Variants in KCNB2 observed in about 807,000 individuals in gnomAD.
The protein encoded by KCNB2 is potassium voltage-gated channel subfamily B member 2, also known as delayed rectifier potassium channel protein.
Under a neutral mutation model 61.5 loss-of-function variants are expected in KCNB2, and 15 were observed. The observed-to-expected ratio is 0.24, with a 90% CI of 0.16 to 0.38. The LOEUF (loss-of-function observed/expected upper bound fraction) is 0.38, where lower values mean the gene tolerates loss of function less well. KCNB2 is among the 10% of genes least tolerant of loss of function. The pLI is 1.00. For missense variants in KCNB2, 828 were observed against 1,125.2 expected (o/e 0.74, Z 3.78); for synonymous variants, 457 against 446.0 (o/e 1.02, Z -0.31).
intron 2 of KCNB2, among the ~76,000 whole-genome samples, chr8:72,726,763 G>T (rs1297334229): frequency 6.6e-6 from 1 of 152,130 alleles, no homozygotes; most frequent in Non-Finnish European, 1.5e-5. Flanking sequence ...TCAATTAAGA[G>T]ATTTTTTTGT....
chr8:72,739,122 T>C (rs1420129361), intron 2 of KCNB2, among the ~76,000 whole-genome samples: 1 of 152,036 alleles, frequency 6.6e-6, no homozygotes, highest in East Asian at 1.9e-4. Context: ...GTTTCATAGA[T>C]ATCACCCCAT....
At chr8:72,802,582 A>G (rs941220167) in intron 2 of KCNB2, among the ~76,000 whole-genome samples, 22 of 152,154 alleles carry the variant, frequency 1.4e-4, no homozygotes, top group Non-Finnish European at 1.6e-4. Flanking sequence ...CTATGTAACC[A>G]TTCTTCCTTC....
intron 2 of KCNB2, among the ~76,000 whole-genome samples, chr8:72,650,585 C>T (rs977976710): frequency 6.6e-6 from 1 of 152,162 alleles, no homozygotes; most frequent in South Asian, 2.1e-4. Context: ...ACCGCCAGGT[C>T]TCTCTGATAC....
At chr8:72,630,818 G>T (rs549113372) in intron 2 of KCNB2, among the ~76,000 whole-genome samples, 53 of 152,104 alleles carry the variant, frequency 3.5e-4, no homozygotes, top group Non-Finnish European at 6.8e-4. Flanking sequence ...GGTAAAAGGG[G>T]AGAAAGAAGA....
chr8:72,736,850 A>C (rs1807854955), intron 2 of KCNB2, among the ~76,000 whole-genome samples: 1 of 152,130 alleles, frequency 6.6e-6, no homozygotes, highest in Non-Finnish European at 1.5e-5. Flanking sequence ...CTGCTGAGAA[A>C]TTTAATATTA....
intron 2 of KCNB2, among the ~76,000 whole-genome samples, chr8:72,929,803 T>C (rs559219771): frequency 6.6e-6 from 1 of 152,090 alleles, no homozygotes; most frequent in Non-Finnish European, 1.5e-5. Context: ...TTTTTATTTC[T>C]TTTTTTATTA....
intron 2 of KCNB2, among the ~76,000 whole-genome samples, chr8:72,642,200 A>T (rs999991769): frequency 2.0e-5 from 3 of 152,202 alleles, no homozygotes; most frequent in Admixed American, 6.6e-5. Context: ...AGCTGATTTT[A>T]GAAACTTAAT....
At chr8:72,842,598 G>T (rs534392716) in intron 2 of KCNB2, among the ~76,000 whole-genome samples, 2 of 152,282 alleles carry the variant, frequency 1.3e-5, no homozygotes, top group East Asian at 1.9e-4. Context: ...ATTAATTAAT[G>T]CTTCAATTTC....
intron 2 of KCNB2, among the ~76,000 whole-genome samples, chr8:72,919,511 G>A (rs1276456354): frequency 6.6e-6 from 1 of 152,206 alleles, no homozygotes; most frequent in Non-Finnish European, 1.5e-5. Context: ...ATCATCAGAA[G>A]AGAAGATTTG....
At chr8:72,729,419 T>C (rs1807704212) in intron 2 of KCNB2, among the ~76,000 whole-genome samples, 2 of 152,196 alleles carry the variant, frequency 1.3e-5, no homozygotes, top group South Asian at 4.1e-4. Flanking sequence ...TTCCTGACCA[T>C]ACACGGGTTC....
At chr8:72,609,875 G>A (rs1805510417) in intron 2 of KCNB2, among the ~76,000 whole-genome samples, 1 of 152,138 alleles carries the variant, frequency 6.6e-6, no homozygotes, top group Non-Finnish European at 1.5e-5. Flanking sequence ...CGCAGACCCA[G>A]GACGTCGTTA....
intron 2 of KCNB2, among the ~76,000 whole-genome samples, chr8:72,818,882 G>A (rs1809446984): frequency 6.6e-6 from 1 of 151,952 alleles, no homozygotes; most frequent in African/African-American, 2.4e-5. Flanking sequence ...TTCTGTCTGA[G>A]TTTAGACTCT....
intron 2 of KCNB2, among the ~76,000 whole-genome samples, chr8:72,883,790 A>T (rs1194140582): frequency 1.3e-5 from 2 of 152,188 alleles, no homozygotes; most frequent in Admixed American, 6.5e-5. Context: ...GTAGTGTTCC[A>T]CTGTGAAACA....
chr8:72,596,501 C>T (rs1307484905), intron 2 of KCNB2, among the ~76,000 whole-genome samples: 1 of 152,180 alleles, frequency 6.6e-6, no homozygotes, highest in African/African-American at 2.4e-5. Flanking sequence ...AGATATTATG[C>T]ATATAATGTT....
intron 2 of KCNB2, among the ~76,000 whole-genome samples, chr8:72,793,834 G>A (rs952549820): frequency 2.0e-5 from 3 of 152,326 alleles, no homozygotes; most frequent in Admixed American, 2.0e-4. Context: ...AAATGTTTCA[G>A]TGACACAGGA....
chr8:72,803,584 A>G lies in KCNB2; in HGVS notation c.580-132351A>G, dbSNP rs561388401. On this transcript the variant is annotated intron_variant, in intron 2 of 2. Coordinates refer to ENST00000523207, the MANE Select transcript of KCNB2 (RefSeq NM_004770.3). ...TGGTGTATAAGACTGTGTAGTAAAT[A>G]TCAGTTCCCTCCTTCACTCCTCTCT... 3.3e-5 allele frequency among the ~76,000 whole-genome samples: 5 copies of G among 152,294 alleles called. No homozygotes were observed. The South Asian group carries it at 1.0e-3, about 32-fold the overall frequency.
chr8:72,851,798 C>CTTT (rs67080189), intron 2 of KCNB2, among the ~76,000 whole-genome samples: 1 of 96,908 alleles, frequency 1.0e-5, no homozygotes, highest in Non-Finnish European at 1.9e-5. Context: ...TTTCTTCTTC[C>CTTT]TTTTTTTTTT....
At chr8:72,681,130 G>A (rs1249968833) in intron 2 of KCNB2, among the ~76,000 whole-genome samples, 2 of 152,134 alleles carry the variant, frequency 1.3e-5, no homozygotes, top group Non-Finnish European at 2.9e-5. Context: ...TACACTGGCA[G>A]AGAAGGGAAA....
chr8:72,847,392 C>T (rs1393477983), intron 2 of KCNB2, among the ~76,000 whole-genome samples: 3 of 152,190 alleles, frequency 2.0e-5, no homozygotes, highest in Non-Finnish European at 4.4e-5. Flanking sequence ...GAAGGCCAAC[C>T]TTGCAGGCTT....
Sources: allele counts gnomAD v4.1 joint callset (sites outside exome capture counted in the v4.1 genomes callset), GRCh38; gene constraint gnomAD v4.1.1; transcripts MANE v1.5; gene names NCBI Gene and HGNC (gene_info 2026-07-23, HGNC 2026-07-21).